The following EPHA5 variants were observed in gnomAD, a reference collection of about 807,000 sequenced individuals.
EPHA5 encodes ephrin type-A receptor 5.
Under a neutral mutation model 105.0 loss-of-function variants are expected in EPHA5, and 60 were observed. The observed-to-expected ratio is 0.57, with a 90% CI of 0.46 to 0.71. EPHA5 has a LOEUF of 0.71. Among genes scored for constraint, EPHA5 ranks in the 30% least tolerant of loss-of-function variants. The pLI is 0.00. For missense variants in EPHA5, 1,218 were observed against 1,274.7 expected (o/e 0.96, Z 0.68); for synonymous variants, 513 against 449.1 (o/e 1.14, Z -1.80).
At chr4:65,619,072 T>C (rs1226341899) in intron 2 of EPHA5, among the ~76,000 whole-genome samples, 1 of 152,024 alleles carries the variant, frequency 6.6e-6, no homozygotes, top group African/African-American at 2.4e-5. Flanking sequence ...GGAGAACCAC[T>C]TGAGCACAGA....
intron 8 of EPHA5, among the ~76,000 whole-genome samples, chr4:65,372,028 TATGAG>T (rs1718526262): frequency 6.6e-6 from 1 of 152,008 alleles, no homozygotes; most frequent in African/African-American, 2.4e-5. Context: ...TTAATATCTA[TATGAG>T]ATGAGAAAAA....
chr4:65,665,249 A>C (rs2149558769), intron 1 of EPHA5, among the ~76,000 whole-genome samples: 1 of 152,132 alleles, frequency 6.6e-6, no homozygotes, highest in Non-Finnish European at 1.5e-5. Flanking sequence ...AAAGAAACTA[A>C]TTGCCATTCA....
intron 3 of EPHA5, among the ~76,000 whole-genome samples, chr4:65,578,194 C>T (rs1741255977): frequency 6.6e-6 from 1 of 152,048 alleles, no homozygotes; most frequent in Middle Eastern, 3.2e-3. Flanking sequence ...CATCTAACAC[C>T]CTCCCAACTG....
intron 16 of EPHA5, 106 bp from the exon 17 acceptor site, chr4:65,324,325 C>G: frequency 1.4e-6 from 1 of 693,134 alleles, no homozygotes; most frequent in Non-Finnish European, 2.5e-6. Context: ...AGTTAGATTA[C>G]AGTCCTAATT....
At chr4:65,459,696 C>T (rs878878842) in intron 5 of EPHA5, among the ~76,000 whole-genome samples, 4 of 151,624 alleles carry the variant, frequency 2.6e-5, no homozygotes, top group Admixed American at 2.0e-4. Flanking sequence ...ACAAAATTTT[C>T]CAAACATGGA....
intron 3 of EPHA5, chr4:65,573,431 A>AAAAAG (rs1740442388): frequency 9.4e-7 from 1 of 1,065,816 alleles, no homozygotes; most frequent in African/African-American, 1.7e-5. Context: ...AAAAAAAAAA[A>AAAAAG]AAAAGAAGCT....
In EPHA5 at chr4:65,365,961, C is replaced by G. The variant is rs1404335123; in HGVS notation, c.1958G>C (p.Cys653Ser). Residue 653 changes from cysteine (C) to serine (S), a missense_variant, in exon 10 of 17, where the codon TGT becomes TCT. Coordinates refer to ENST00000613740, the MANE Select transcript of EPHA5 (RefSeq NM_001281766.3). The stretch of plus-strand genomic sequence containing the variant: ...TCCAATAACTCTCTCAATGGTGATA[C>G]ATGATGCTTCTATCTCCTTAGCAAA... ...HEFAKEIEAS[C>S]ITIERVIGAG... 3 of 1,608,720 alleles carry G rather than the reference C, an allele frequency of 1.9e-6. No homozygotes were observed. In the African/African-American group the frequency reaches 4.0e-5, roughly 22 times the overall value.
intron 5 of EPHA5, among the ~76,000 whole-genome samples, chr4:65,463,831 A>G (rs1377945295): frequency 6.6e-6 from 1 of 152,204 alleles, no homozygotes; most frequent in South Asian, 2.1e-4. Flanking sequence ...GCTTATATAC[A>G]TAGAGATCCT....
intron 3 of EPHA5, among the ~76,000 whole-genome samples, chr4:65,596,438 C>T (rs150416181): frequency 6.6e-6 from 1 of 151,924 alleles, no homozygotes; most frequent in Admixed American, 6.6e-5. Flanking sequence ...ATCAAAACTC[C>T]AGTGCTGAAA....
intron 2 of EPHA5, among the ~76,000 whole-genome samples, chr4:65,609,924 C>A (rs1218172854): frequency 1.3e-5 from 2 of 151,738 alleles, no homozygotes; most frequent in Non-Finnish European, 2.9e-5. Flanking sequence ...GTATTTATTG[C>A]TATTCTACTT....
At chr4:65,421,582 TAA>T (rs1369957660) in intron 5 of EPHA5, among the ~76,000 whole-genome samples, 4 of 152,144 alleles carry the variant, frequency 2.6e-5, no homozygotes, top group Non-Finnish European at 4.4e-5. Context: ...AGAGAAAGAC[TAA>T]GTCTTCAAAG....
chr4:65,347,189 T>G (rs1452190001), intron 14 of EPHA5, among the ~76,000 whole-genome samples: 1 of 147,524 alleles, frequency 6.8e-6, no homozygotes, highest in Non-Finnish European at 1.5e-5. Context: ...AGTGAAAAAG[T>G]GTTTCAAATA....
At chr4:65,444,616 C>T (rs537782229) in intron 5 of EPHA5, among the ~76,000 whole-genome samples, 1 of 152,080 alleles carries the variant, frequency 6.6e-6, no homozygotes, top group Admixed American at 6.6e-5. Flanking sequence ...CTTTTATTGC[C>T]CTGAGTTTAG....
chr4:65,561,770 G>T lies in EPHA5; in HGVS notation c.910+39871C>A, dbSNP rs142531867. 2.2e-3 allele frequency among the ~76,000 whole-genome samples: 341 copies of T among 152,178 alleles called. 1 individual carries two copies. The highest frequency in any genetic ancestry group is 4.3e-3 in the Admixed American group (66 of 15,244). On this transcript the variant is annotated intron_variant, in intron 3 of 16. Coordinates refer to ENST00000613740, the MANE Select transcript of EPHA5 (RefSeq NM_001281766.3). ...TATATTTCTTGGAAACCATAGGGTG[G>T]AATGAACCACAAGAGGTTGCAGAAG...
chr4:65,508,261 G>A (rs1159396033), intron 3 of EPHA5, among the ~76,000 whole-genome samples: 1 of 152,112 alleles, frequency 6.6e-6, no homozygotes, highest in African/African-American at 2.4e-5. Flanking sequence ...CTCAAGTAGT[G>A]AGATCTGCTT....
intron 5 of EPHA5, among the ~76,000 whole-genome samples, chr4:65,435,737 G>A (rs2149073836): frequency 6.6e-6 from 1 of 151,960 alleles, no homozygotes; most frequent in South Asian, 2.1e-4. Context: ...CTTTTTATAT[G>A]TAAAATTAGA....
intron 3 of EPHA5, among the ~76,000 whole-genome samples, chr4:65,557,418 T>C (rs1003723361): frequency 6.6e-6 from 1 of 151,658 alleles, no homozygotes; most frequent in African/African-American, 2.4e-5. Flanking sequence ...ATTTAACAAG[T>C]ATTGTTTTTA....
chr4:65,654,309 A>G (rs1748876057), intron 1 of EPHA5, among the ~76,000 whole-genome samples: 1 of 151,750 alleles, frequency 6.6e-6, no homozygotes, highest in African/African-American at 2.4e-5. Context: ...AACCCAATAT[A>G]GTTCTACAGA....
At chr4:65,418,970 G>C (rs899595957) in intron 6 of EPHA5, among the ~76,000 whole-genome samples, 1 of 133,066 alleles carries the variant, frequency 7.5e-6, no homozygotes, top group Non-Finnish European at 1.5e-5. Context: ...TGCAACCTCC[G>C]CTTCCTGGGT....
Sources: gnomAD v4.1 joint callset for allele counts (sites outside exome capture counted in the v4.1 genomes callset) on GRCh38, gnomAD v4.1.1 for gene constraint, MANE v1.5 for transcripts, NCBI Gene and HGNC (gene_info 2026-07-23, HGNC 2026-07-21) for gene names.